Variants in CACNA2D3 observed in about 807,000 individuals in gnomAD.
CACNA2D3 encodes the protein calcium voltage-gated channel auxiliary subunit alpha2delta 3.
Under a neutral mutation model 160.6 loss-of-function variants are expected in CACNA2D3, and 60 were observed. The ratio of observed to expected loss-of-function variants is 0.37; its 90% CI spans 0.30 to 0.46. The LOEUF is 0.46. CACNA2D3 is among the 20% of genes least tolerant of loss of function. The pLI is 1.00. For synonymous variants in CACNA2D3, 558 were observed against 492.9 expected, an observed-to-expected ratio of 1.13 and a Z score of -1.75; for missense variants, 1,205 against 1,365.0, an observed-to-expected ratio of 0.88 and a Z score of 1.85.
At chr3:54,743,977 CTG>C (rs1359811039) in intron 11 of CACNA2D3, among the ~76,000 whole-genome samples, 2 of 152,210 alleles carry the variant, frequency 1.3e-5, no homozygotes, top group African/African-American at 4.8e-5. Flanking sequence ...TCAGTTCTGT[CTG>C]TCTGTCCCTT....
chr3:54,767,229 A>T (rs1702241942), intron 13 of CACNA2D3, among the ~76,000 whole-genome samples: 1 of 152,204 alleles, frequency 6.6e-6, no homozygotes, highest in African/African-American at 2.4e-5. Flanking sequence ...GAATCCAATA[A>T]TATTTCAAGT....
chr3:55,038,042 A>G (rs753528811), intron 35 of CACNA2D3, among the ~76,000 whole-genome samples: 2 of 152,120 alleles, frequency 1.3e-5, no homozygotes, highest in Non-Finnish European at 2.9e-5. Context: ...ATTTTGCCTT[A>G]AATTTAGGAC....
chr3:54,857,137 A>C (rs779903806), intron 17 of CACNA2D3, among the ~76,000 whole-genome samples: 1 of 152,220 alleles, frequency 6.6e-6, no homozygotes, highest in Non-Finnish European at 1.5e-5. Flanking sequence ...AGACTGGTCC[A>C]GGCTGAAGAA....
intron 2 of CACNA2D3, among the ~76,000 whole-genome samples, chr3:54,135,765 G>A (rs1699803548): frequency 1.3e-5 from 2 of 152,224 alleles, no homozygotes; most frequent in African/African-American, 4.8e-5. Flanking sequence ...AGAAGGAGAT[G>A]AGAGGACTTT....
At chr3:55,022,167 G>A (rs1346118710) in intron 35 of CACNA2D3, among the ~76,000 whole-genome samples, 1 of 151,930 alleles carries the variant, frequency 6.6e-6, no homozygotes, top group Non-Finnish European at 1.5e-5. Context: ...CCCTGTTCAT[G>A]ATTATTATAG....
chr3:55,072,970 G>A (rs1050686117), intron 35 of CACNA2D3, among the ~76,000 whole-genome samples: 4 of 152,192 alleles, frequency 2.6e-5, no homozygotes, highest in East Asian at 1.9e-4. Flanking sequence ...AGCAGTATAA[G>A]GAAGGCTCTA....
chr3:54,598,307 C>CAAAAAAAAAA (rs10656534), intron 9 of CACNA2D3, among the ~76,000 whole-genome samples: 603 of 49,820 alleles, frequency 0.012, 40 homozygotes, highest in Middle Eastern at 0.025. Context: ...CTCCGTCTCA[C>CAAAAAAAAAA]AAAAAAAAAA....
Position 54,731,415 on chromosome 3 carries a change from CTATG to C in CACNA2D3, c.1168-21181_1168-21178del, listed in dbSNP as rs376184535. On this transcript the variant is annotated intron_variant, in intron 11 of 37. Coordinates refer to ENST00000474759, the MANE Select transcript of CACNA2D3 (RefSeq NM_018398.3). ...ATACATTGAGCTGTTTTTAAAGACT[CTATG>C]TACCCCAAAAGTTGTTGATGACCAC... Among the ~76,000 whole-genome samples, 98 of 152,274 alleles carry C rather than the reference CTATG, an allele frequency of 6.4e-4. 2 individuals carry two copies. The South Asian group carries it at 0.02, about 31-fold the overall frequency.
At chr3:54,964,771 A>G (rs1324421686) in intron 27 of CACNA2D3, among the ~76,000 whole-genome samples, 1 of 151,884 alleles carries the variant, frequency 6.6e-6, no homozygotes, top group African/African-American at 2.4e-5. Context: ...GATTCCCTTA[A>G]GCATTTTTGT....
intron 17 of CACNA2D3, among the ~76,000 whole-genome samples, chr3:54,849,347 C>T (rs948742725): frequency 1.3e-5 from 2 of 150,698 alleles, no homozygotes; most frequent in Non-Finnish European, 2.9e-5. Context: ...GTTGTTTGTT[C>T]ATCTCTGTTT....
intron 14 of CACNA2D3, among the ~76,000 whole-genome samples, chr3:54,823,256 C>A (rs1297511873): frequency 6.6e-6 from 1 of 152,036 alleles, no homozygotes; most frequent in Non-Finnish European, 1.5e-5. Flanking sequence ...GGGTTTACTC[C>A]ATTTTCAGAT....
At chr3:54,952,059 G>C (rs963200370) in intron 27 of CACNA2D3, among the ~76,000 whole-genome samples, 2 of 152,148 alleles carry the variant, frequency 1.3e-5, no homozygotes, top group Non-Finnish European at 2.9e-5. Context: ...ATGTTGGCCA[G>C]CTGCTCACAA....
intron 13 of CACNA2D3, among the ~76,000 whole-genome samples, chr3:54,769,093 C>G (rs535091897): frequency 6.6e-6 from 1 of 152,050 alleles, no homozygotes; most frequent in Admixed American, 6.6e-5. Context: ...TGCCAGGACA[C>G]GAACAAACAA....
intron 11 of CACNA2D3, among the ~76,000 whole-genome samples, chr3:54,665,908 A>G (rs1439536364): frequency 6.6e-6 from 1 of 151,058 alleles, no homozygotes; most frequent in African/African-American, 2.4e-5. Flanking sequence ...TTCAAGCGAT[A>G]CTCCTACCTC....
At position 54,911,327 on chromosome 3, in the gene CACNA2D3, C is replaced by G. The variant is rs112872507; in HGVS notation, c.2449+11459C>G. Among the ~76,000 whole-genome samples, 736 of 142,614 alleles carry G rather than the reference C, an allele frequency of 5.2e-3. 10 individuals carry two copies. Among genetic ancestry groups the G allele is most frequent in the African/African-American group, 0.018 (688 of 37,210 alleles). The allele number at this position is 142,614 out of a possible 152,430, so 93.6% of individuals were successfully genotyped here. A position where few individuals can be genotyped will look rare whatever the true frequency, so the allele number is the denominator to read the frequency against. ...CTCCCCTTCCCCCTCCCCGCTTCTCCTCCTCCCCCTCCTTCTTTGTCGTCT... is the reference window on the plus strand; with the variant it reads ...CTCCCCTTCCCCCTCCCCGCTTCTCGTCCTCCCCCTCCTTCTTTGTCGTCT... On this transcript the variant is annotated intron_variant, in intron 27 of 37. Coordinates refer to ENST00000474759, the MANE Select transcript of CACNA2D3 (RefSeq NM_018398.3).
At chr3:54,932,085 G>A (rs1701204157) in intron 27 of CACNA2D3, among the ~76,000 whole-genome samples, 1 of 152,226 alleles carries the variant, frequency 6.6e-6, no homozygotes, top group South Asian at 2.1e-4. Flanking sequence ...GGGAGGCTGA[G>A]GTAGGAGGAT....
intron 34 of CACNA2D3, among the ~76,000 whole-genome samples, chr3:55,015,870 T>C (rs28627453): frequency 0.058 from 8,870 of 152,138 alleles, 874 homozygotes; most frequent in African/African-American, 0.2. Flanking sequence ...TGAAAAAGAT[T>C]TGGGAAGAGA....
chr3:54,592,346 A>C (rs1702875488), intron 9 of CACNA2D3, among the ~76,000 whole-genome samples: 2 of 152,166 alleles, frequency 1.3e-5, no homozygotes. Flanking sequence ...ACCATCCCTG[A>C]AGAGGGGGTC....
chr3:54,411,191 C>A (rs1204384041), intron 4 of CACNA2D3, among the ~76,000 whole-genome samples: 3 of 152,182 alleles, frequency 2.0e-5, no homozygotes, highest in East Asian at 3.8e-4. Flanking sequence ...AGTAAAGATG[C>A]TGTAAACATT....
Sources: gnomAD v4.1 joint callset for allele counts (sites outside exome capture counted in the v4.1 genomes callset) on GRCh38, gnomAD v4.1.1 for gene constraint, MANE v1.5 for transcripts, NCBI Gene and HGNC (gene_info 2026-07-23, HGNC 2026-07-21) for gene names.